The following TNFRSF21 variants were observed in gnomAD, a reference collection of about 807,000 sequenced individuals.
The protein encoded by TNFRSF21 is TNF receptor superfamily member 21, also known as tumor necrosis factor receptor superfamily member 21.
A neutral mutation model predicts 45.6 loss-of-function variants in TNFRSF21; 19 were observed. The ratio of observed to expected loss-of-function variants is 0.42; its 90% CI spans 0.29 to 0.61. The LOEUF is 0.61. Ranked by LOEUF, TNFRSF21 falls within the 20% of genes least tolerant of loss-of-function variation. The pLI is 0.23. For synonymous variants in TNFRSF21, 314 were observed against 335.5 expected (o/e 0.94, Z 0.70); for missense variants, 737 against 851.5 (o/e 0.87, Z 1.67).
rs372989435 is a variant in TNFRSF21 at position 47,253,979 on chromosome 6, A to T, written c.1244-458T>A. 2.6e-5 allele frequency among the ~76,000 whole-genome samples: 4 copies of T among 152,296 alleles called. No homozygotes were observed. In the East Asian group the frequency reaches 5.8e-4, roughly 22 times the overall value. On this transcript the variant is annotated intron_variant, in intron 3 of 5. Transcript: ENST00000296861. ...CTTCTTCACAATGTATGGATAGAAG[A>T]TTCCTTCTTCTTGTAGATCTTAGCA...
chr6:47,286,654 C>A, intron 1 of TNFRSF21, 59 bp from the exon 2 acceptor site: 1 of 1,521,612 alleles, frequency 6.6e-7, no homozygotes, highest in South Asian at 1.3e-5. Context: ...TACATAGGAG[C>A]AGAGCAGAAA....
At chr6:47,261,890 T>C (rs714373) in intron 3 of TNFRSF21, among the ~76,000 whole-genome samples, 64,730 of 152,096 alleles carry the variant, frequency 0.43, 14,530 homozygotes, top group African/African-American at 0.58. Flanking sequence ...GGTTAAAAAT[T>C]TGTATACCAA....
At chr6:47,289,951 G>A (rs541059150) in intron 1 of TNFRSF21, among the ~76,000 whole-genome samples, 6 of 152,134 alleles carry the variant, frequency 3.9e-5, no homozygotes, top group Middle Eastern at 3.4e-3. Flanking sequence ...CCGAGATTGC[G>A]CCACTTTACT....
At chr6:47,241,675 TTTA>T (rs2113844841) in intron 4 of TNFRSF21, among the ~76,000 whole-genome samples, 1 of 152,258 alleles carries the variant, frequency 6.6e-6, no homozygotes, top group African/African-American at 2.4e-5. Flanking sequence ...AGATGGTAGA[TTTA>T]TTATTTGTTG....
intron 4 of TNFRSF21, among the ~76,000 whole-genome samples, chr6:47,243,926 C>A (rs894489913): frequency 6.6e-6 from 1 of 152,186 alleles, no homozygotes; most frequent in Non-Finnish European, 1.5e-5. Context: ...TATATGTGTA[C>A]TTGCATCATT....
chr6:47,296,291 C>T (rs556556856), intron 1 of TNFRSF21, among the ~76,000 whole-genome samples: 221 of 152,318 alleles, frequency 1.5e-3, no homozygotes, highest in Non-Finnish European at 2.7e-3. Flanking sequence ...CACGCATAAA[C>T]AAAACCTATT....
At chr6:47,252,762 A>G (rs1764917310) in intron 4 of TNFRSF21, among the ~76,000 whole-genome samples, 2 of 152,194 alleles carry the variant, frequency 1.3e-5, no homozygotes, top group African/African-American at 4.8e-5. Flanking sequence ...GGAACAACCC[A>G]AGGAGGAGAA....
chr6:47,284,003 C>A lies in TNFRSF21; in HGVS notation c.1178G>T (p.Gly393Val). 6.2e-7 allele frequency: 1 copy of A among 1,614,176 alleles called. No individual in the cohort carries two copies. Residue 393 changes from glycine (G) to valine (V), a missense_variant, in exon 3 of 6, where the codon GGG (glycine) becomes GTG (valine). Gly to Val is a moderately radical substitution (Grantham distance 109). Transcript: ENST00000296861. Reference protein sequence around the residue: ...QDPSAIVEKAGLKKSMTPTQN... With the variant: ...QDPSAIVEKAVLKKSMTPTQN... ...GGTTGGAGTCATGGATTTCTTCAGC[C>A]CTGCCTTTTCCACAATGGCACTGGG...
At chr6:47,251,648 G>C (rs538329133) in intron 4 of TNFRSF21, among the ~76,000 whole-genome samples, 1 of 152,110 alleles carries the variant, frequency 6.6e-6, no homozygotes, top group East Asian at 1.9e-4. Flanking sequence ...TTATTCTCAC[G>C]TATCTAAATC....
intron 3 of TNFRSF21, among the ~76,000 whole-genome samples, chr6:47,275,358 C>A (rs1027614376): frequency 6.6e-6 from 1 of 152,108 alleles, no homozygotes; most frequent in Non-Finnish European, 1.5e-5. Flanking sequence ...TTTACAGGGA[C>A]ATGGATGAAG....
chr6:47,300,155 T>C lies in TNFRSF21; in HGVS notation c.96+9261A>G, dbSNP rs367666592. Among the ~76,000 whole-genome samples, 183 of 152,294 alleles carry C rather than the reference T, an allele frequency of 1.2e-3. 1 individual carries two copies. In the South Asian group the frequency reaches 0.024, roughly 20 times the overall value. On this transcript the variant is annotated intron_variant, in intron 1 of 5. Transcript: ENST00000296861. ...ATTAAAAAGTGGCAGCCATAAAGGC[T>C]TGAACTGACGTGAATCACAGGCACC...
intron 3 of TNFRSF21, among the ~76,000 whole-genome samples, chr6:47,256,522 C>CA (rs990846636): frequency 4.6e-5 from 7 of 151,934 alleles, no homozygotes; most frequent in South Asian, 4.1e-4. Context: ...GACTCTATCT[C>CA]AAAAAAAGTA....
chr6:47,263,634 A>C (rs10948341), intron 3 of TNFRSF21, among the ~76,000 whole-genome samples: 50,626 of 152,028 alleles, frequency 0.33, 8,638 homozygotes, highest in East Asian at 0.44. Flanking sequence ...AACAGTGTCG[A>C]TTGCTGCCAA....
chr6:47,286,733 G>A (rs922343635), intron 1 of TNFRSF21, 138 bp from the exon 2 acceptor site: 16 of 891,352 alleles, frequency 1.8e-5, no homozygotes, highest in South Asian at 7.3e-5. Context: ...GCATCCTCTT[G>A]ACAGCATGCT....
rs761177077 is a variant in TNFRSF21 at position 47,284,355 on chromosome 6, G to A, written c.826C>T (p.Pro276Ser). 7.0e-6 allele frequency: 11 copies of A among 1,572,132 alleles called. No homozygotes were observed. The South Asian group carries it at 1.2e-4, about 17-fold the overall frequency. Residue 276 changes from proline to serine, a missense_variant, in exon 3 of 6, where the codon CCT becomes TCT. By Grantham distance (74) the Pro-to-Ser change is moderately conservative (BLOSUM62 -1). Transcript: ENST00000296861. Reference sequence around the variant, plus strand: ...CCCCTTGCTGAGCTTGTGTTGTCAGGGACTGTCCCTTCCTGGATGCTACTC... The same window carrying A: ...CCCCTTGCTGAGCTTGTGTTGTCAGAGACTGTCCCTTCCTGGATGCTACTC... ...VLSSIQEGTVPDNTSSARGKE... is the reference protein window; with the variant it reads ...VLSSIQEGTVSDNTSSARGKE...
intron 3 of TNFRSF21, among the ~76,000 whole-genome samples, chr6:47,272,372 C>A (rs1009912455): frequency 6.6e-6 from 1 of 152,168 alleles, no homozygotes; most frequent in Non-Finnish European, 1.5e-5. Context: ...CACTCAAAAC[C>A]ACACAACTAC....
chr6:47,262,734 T>C (rs1468362551), intron 3 of TNFRSF21, among the ~76,000 whole-genome samples: 2 of 151,820 alleles, frequency 1.3e-5, no homozygotes, highest in Non-Finnish European at 2.9e-5. Flanking sequence ...GCAGGAAGGG[T>C]ATTGGCATGG....
chr6:47,286,509 G>T lies in TNFRSF21; in HGVS notation c.183C>A (p.Thr61=), dbSNP rs762224972. The T allele has an allele frequency of 2.5e-6, 4 of 1,614,024 alleles. No homozygotes were observed. Among genetic ancestry groups the T allele is most frequent in the Non-Finnish European group, 3.4e-6 (4 of 1,180,006 alleles). Residue 61 remains threonine, a synonymous_variant, in exon 2 of 6, where the codon ACC becomes ACA. Transcript: ENST00000296861. ...ACTTGTCACAGGTTAGCACCTGGCC[G>T]GTGGCACGGTCAACATGGCGGTATG... is the stretch of plus-strand genomic sequence containing the variant. ...IGTYRHVDRA[T]GQVLTCDKCP...
At chr6:47,264,632 T>G (rs754504014) in intron 3 of TNFRSF21, among the ~76,000 whole-genome samples, 15 of 152,228 alleles carry the variant, frequency 9.9e-5, no homozygotes, top group Non-Finnish European at 1.9e-4. Context: ...GCCATGCCTC[T>G]GGCCACCTTG....
Sources: gnomAD v4.1 joint callset for allele counts (sites outside exome capture counted in the v4.1 genomes callset) on GRCh38, gnomAD v4.1.1 for gene constraint, MANE v1.5 for transcripts, NCBI Gene and HGNC (gene_info 2026-07-23, HGNC 2026-07-21) for gene names.